Variants in ARL8B observed in about 807,000 individuals in gnomAD.
ARL8B encodes the protein ARF like GTPase 8B, also known as ADP-ribosylation factor-like protein 8B.
ARL8B carries 9 observed loss-of-function variants against 30.6 expected under a neutral mutation model. That is an observed-to-expected ratio of 0.29 (90% CI 0.18 to 0.51). ARL8B has a LOEUF of 0.51. Ranked by LOEUF, ARL8B falls within the 20% of genes least tolerant of loss-of-function variation. The probability of loss-of-function intolerance (pLI) is 0.97; values close to 1 mark genes in which losing one functional copy is unlikely to be tolerated. For missense variants in ARL8B, 130 were observed against 227.2 expected, an observed-to-expected ratio of 0.57 and a Z score of 2.75; for synonymous variants, 74 against 76.0, an observed-to-expected ratio of 0.97 and a Z score of 0.14.
At chr3:5,133,647 G>A (rs1416890103) in intron 1 of ARL8B, among the ~76,000 whole-genome samples, 1 of 152,104 alleles carries the variant, frequency 6.6e-6, no homozygotes, top group African/African-American at 2.4e-5. Flanking sequence ...ATTACAGGCT[G>A]GGGCGTGGTG....
intron 1 of ARL8B, among the ~76,000 whole-genome samples, chr3:5,123,019 A>G (rs1295485929): frequency 6.6e-6 from 1 of 152,182 alleles, no homozygotes; most frequent in African/African-American, 2.4e-5. Context: ...CGTAAGCATT[A>G]AGAGCCTCTC....
intron 1 of ARL8B, among the ~76,000 whole-genome samples, chr3:5,140,734 A>G (rs1239967522): frequency 2.6e-5 from 4 of 152,170 alleles, no homozygotes; most frequent in African/African-American, 7.2e-5. Flanking sequence ...GTCATCTGAA[A>G]TTCTAGGCTA....
intron 1 of ARL8B, among the ~76,000 whole-genome samples, chr3:5,167,149 T>C (rs2054631644): frequency 2.0e-5 from 3 of 152,218 alleles, no homozygotes; most frequent in Admixed American, 1.3e-4. Flanking sequence ...ATTTATTTTG[T>C]TCAACCAAGT....
intron 1 of ARL8B, among the ~76,000 whole-genome samples, chr3:5,161,168 G>GGCC (rs1281549137): frequency 1.3e-5 from 2 of 152,264 alleles, no homozygotes; most frequent in African/African-American, 4.8e-5. Context: ...GGCCTCCCAC[G>GGCC]GCCGGGGATT....
At chr3:5,148,741 A>G (rs2054451777) in intron 1 of ARL8B, among the ~76,000 whole-genome samples, 1 of 152,156 alleles carries the variant, frequency 6.6e-6, no homozygotes, top group African/African-American at 2.4e-5. Flanking sequence ...TAGGCCAAAA[A>G]AGATCGAAGG....
At chr3:5,143,677 T>TCTTAACAA (rs2054395378) in intron 1 of ARL8B, among the ~76,000 whole-genome samples, 1 of 152,228 alleles carries the variant, frequency 6.6e-6, no homozygotes, top group Admixed American at 6.5e-5. Context: ...GGGTGGAGCT[T>TCTTAACAA]GTCTTCTTAA....
intron 1 of ARL8B, among the ~76,000 whole-genome samples, chr3:5,144,047 AG>A (rs1234955805): frequency 6.6e-6 from 1 of 152,210 alleles, no homozygotes; most frequent in Non-Finnish European, 1.5e-5. Flanking sequence ...TTCTAGAGGA[AG>A]GGGGATACCA....
At chr3:5,164,582 C>A (rs190995490) in intron 1 of ARL8B, among the ~76,000 whole-genome samples, 1 of 152,126 alleles carries the variant, frequency 6.6e-6, no homozygotes, top group Admixed American at 6.6e-5. Context: ...TCTGAAACAT[C>A]GGAGGGTGAG....
intron 1 of ARL8B, among the ~76,000 whole-genome samples, chr3:5,142,542 G>A (rs1176689669): frequency 1.3e-5 from 2 of 152,150 alleles, no homozygotes; most frequent in Non-Finnish European, 2.9e-5. Flanking sequence ...CACACGCATA[G>A]CAGTCACTCT....
chr3:5,151,442 C>G (rs1355262856), intron 1 of ARL8B, among the ~76,000 whole-genome samples: 2 of 152,074 alleles, frequency 1.3e-5, no homozygotes, highest in Non-Finnish European at 2.9e-5. Flanking sequence ...GACCCTGTCT[C>G]TAAAATATAT....
At chr3:5,142,537 G>C in intron 1 of ARL8B, among the ~76,000 whole-genome samples, 1 of 152,256 alleles carries the variant, frequency 6.6e-6, no homozygotes. Context: ...CGTAGCACAC[G>C]CATAGCAGTC....
intron 1 of ARL8B, among the ~76,000 whole-genome samples, chr3:5,164,870 GCTTTT>G (rs2054610824): frequency 2.0e-5 from 3 of 152,112 alleles, no homozygotes; most frequent in Admixed American, 1.3e-4. Flanking sequence ...CATTTCTACA[GCTTTT>G]CTTTTTCTGG....
chr3:5,173,976 C>T (rs770146102), intron 4 of ARL8B, 41 bp from the exon 5 acceptor site: 4 of 1,423,102 alleles, frequency 2.8e-6, no homozygotes, highest in African/African-American at 2.8e-5. Flanking sequence ...GTGACTTTTT[C>T]TTGCATAAAC....
chr3:5,138,684 G>T (rs1351848147), intron 1 of ARL8B, among the ~76,000 whole-genome samples: 5 of 152,148 alleles, frequency 3.3e-5, no homozygotes, highest in African/African-American at 9.7e-5. Flanking sequence ...CCACCCTGAT[G>T]ATAGTAAGTG....
chr3:5,153,190 A>G (rs1407773972), intron 1 of ARL8B, among the ~76,000 whole-genome samples: 2 of 151,964 alleles, frequency 1.3e-5, no homozygotes, highest in Admixed American at 6.6e-5. Context: ...CCCCCTTTAT[A>G]TTGTAGTCAT....
chr3:5,151,730 C>CCCCCCCT (rs1553580709), intron 1 of ARL8B, among the ~76,000 whole-genome samples: 5 of 131,726 alleles, frequency 3.8e-5, no homozygotes, highest in African/African-American at 1.5e-4. Flanking sequence ...CACCCCCCCC[C>CCCCCCCT]TTGGAGATAG....
intron 1 of ARL8B, among the ~76,000 whole-genome samples, chr3:5,146,991 A>G (rs888801554): frequency 1.3e-5 from 2 of 150,854 alleles, no homozygotes; most frequent in Non-Finnish European, 2.9e-5. Context: ...GTCTTCATTA[A>G]TGGTCATGAG....
Position 5,131,215 on chromosome 3 carries a change from T to C in ARL8B, c.123+8627T>C, listed in dbSNP as rs558188843. On this transcript the variant is annotated intron_variant, in intron 1 of 6. Transcript: ENST00000256496. ...CCACCGTGCCCGGCCACCATTTTCT[T>C]GAAAGCTCATTTTGTCCGGAGAATG... Among the ~76,000 whole-genome samples, 3 of 152,216 alleles carry C rather than the reference T, an allele frequency of 2.0e-5. No homozygotes were observed. In the East Asian group the frequency reaches 5.8e-4, roughly 29 times the overall value.
intron 1 of ARL8B, among the ~76,000 whole-genome samples, chr3:5,146,947 G>A (rs2054423607): frequency 6.6e-6 from 1 of 151,888 alleles, no homozygotes; most frequent in Non-Finnish European, 1.5e-5. Context: ...GGTTCCTAGT[G>A]GGACCTACTC....
Sources: gnomAD v4.1 joint callset for allele counts (sites outside exome capture counted in the v4.1 genomes callset) on GRCh38, gnomAD v4.1.1 for gene constraint, MANE v1.5 for transcripts, NCBI Gene and HGNC (gene_info 2026-07-23, HGNC 2026-07-21) for gene names.